The following C16orf96 variants were observed in gnomAD, a reference collection of about 807,000 sequenced individuals.
C16orf96 encodes the protein chromosome 16 open reading frame 96.
A neutral mutation model predicts 103.6 loss-of-function variants in C16orf96; 108 were observed. The ratio of observed to expected loss-of-function variants is 1.04; its 90% CI spans 0.89 to 1.22. The LOEUF (loss-of-function observed/expected upper bound fraction) is 1.22, where lower values mean the gene tolerates loss of function less well. C16orf96 is among the 50% of genes most tolerant of loss of function. The pLI is 0.00. For missense variants in C16orf96, 1,586 were observed against 1,464.2 expected (o/e 1.08, Z -1.36); for synonymous variants, 566 against 593.5 (o/e 0.95, Z 0.67).
chr16:4,555,298 AC>A (rs1382924295), upstream of C16orf96, among the ~76,000 whole-genome samples: 28 of 132,310 alleles, frequency 2.1e-4, no homozygotes, highest in African/African-American at 7.6e-4. Flanking sequence ...ACACACACAC[AC>A]ACACACACAC....
At chr16:4,558,727 C>T (rs2059294977) in intron 1 of C16orf96, among the ~76,000 whole-genome samples, 1 of 151,990 alleles carries the variant, frequency 6.6e-6, no homozygotes, top group Non-Finnish European at 1.5e-5. Context: ...CAATCCTGGC[C>T]AACATGGTGA....
intron 12 of C16orf96, among the ~76,000 whole-genome samples, 152 bp from the exon 13 acceptor site, chr16:4,594,199 C>A (rs923911337): frequency 1.3e-5 from 2 of 151,760 alleles, no homozygotes; most frequent in East Asian, 3.9e-4. Flanking sequence ...TGTATCCATC[C>A]GCCAGGCCCC....
the C16orf96 span, among the ~76,000 whole-genome samples, chr16:4,549,629 C>G: frequency 6.6e-5 from 10 of 151,972 alleles, no homozygotes; most frequent in Admixed American, 2.0e-4. Context: ...GAAACCCCAT[C>G]TCTACTACAA....
rs560581131 is a variant in C16orf96 at position 4,558,709 on chromosome 16, G to T, written c.420+1800G>T. ...GTGGGTGGATCACCTGAGGTGAGGA[G>T]TTCGAGACAATCCTGGCCAACATGG... On this transcript the variant is annotated intron_variant, in intron 1 of 15. Transcript: ENST00000444310. Among the ~76,000 whole-genome samples, 277 of 152,202 alleles carry T rather than the reference G, an allele frequency of 1.8e-3. 1 individual carries two copies. The highest frequency in any genetic ancestry group is 6.4e-3 in the African/African-American group (264 of 41,536).
At position 4,593,416 on chromosome 16, in the gene C16orf96, G is replaced by A; in HGVS notation, c.2867+100G>A. The A allele has an allele frequency of 8.4e-7, 1 of 1,185,810 alleles. No individual in the cohort carries two copies. The highest frequency in any genetic ancestry group is 1.2e-6 in the Non-Finnish European group (1 of 833,578). 73.5% of individuals were successfully genotyped at this position (1,185,810 alleles called of 1,614,324 possible). ...GCAGAGACACATCCTCCAGGCCCAG[G>A]GACCTAAGATTGTCCTGGACATGGC... On this transcript the variant is annotated intron_variant, in intron 12 of 15. Coordinates refer to ENST00000444310, the MANE Select transcript of C16orf96 (RefSeq NM_001145011.2). The surrounding 1 kb of genome is among the most constrained non-coding windows in gnomAD (Gnocchi z 4.2).
chr16:4,566,905 A>G (rs140907090), intron 1 of C16orf96, among the ~76,000 whole-genome samples: 160 of 152,120 alleles, frequency 1.1e-3, no homozygotes, highest in African/African-American at 3.7e-3. Flanking sequence ...TTCTTGGCCA[A>G]TCTAGCTAAA....
At chr16:4,588,475 C>T (rs1896980976) in intron 9 of C16orf96, 144 bp downstream of exon 9, 2 of 928,460 alleles carry the variant, frequency 2.2e-6, no homozygotes, top group Non-Finnish European at 3.2e-6. Flanking sequence ...TCAGGGTTTC[C>T]TGTGAAATTG....
At chr16:4,545,520 A>C in the C16orf96 span, among the ~76,000 whole-genome samples, 1 of 152,108 alleles carries the variant, frequency 6.6e-6, no homozygotes, top group Non-Finnish European at 1.5e-5. Context: ...AATTCTGTTA[A>C]ATTGATTTAG....
Position 4,575,663 on chromosome 16 carries a change from C to T in C16orf96, c.1183C>T (p.Leu395Phe), listed in dbSNP as rs577103751. The T allele has an allele frequency of 6.8e-5, 105 of 1,535,916 alleles. No homozygotes were observed. In the African/African-American group the frequency reaches 1.3e-3, roughly 19 times the overall value. Residue 395 changes from leucine to phenylalanine, a missense_variant, in exon 5 of 16, where the codon CTT (leucine) becomes TTT (phenylalanine). By Grantham distance (22) the Leu-to-Phe change is conservative (BLOSUM62 0). Coordinates refer to ENST00000444310, the MANE Select transcript of C16orf96 (RefSeq NM_001145011.2). The stretch of plus-strand genomic sequence containing the variant: ...GCCTGCACTCCCAAGACGCTGGCCT[C>T]TTCCCCAAGGCTGGCCCAGGGTGGG... ...DWPALPRRWP[L>F]PQGWPRVGSW...
intron 1 of C16orf96, among the ~76,000 whole-genome samples, chr16:4,570,976 C>T (rs746467847): frequency 2.2e-4 from 33 of 152,102 alleles, no homozygotes; most frequent in Non-Finnish European, 1.3e-4. Context: ...CGAGACCAGC[C>T]TGAGCAACGT....
chr16:4,600,566 C>T lies in C16orf96; in HGVS notation c.*249C>T, dbSNP rs939207844. On this transcript the variant is annotated 3_prime_UTR_variant, in exon 16 of 16. Coordinates refer to ENST00000444310, the MANE Select transcript of C16orf96 (RefSeq NM_001145011.2). ...TGCCCCCCCCACCCCCACCAAGTCC[C>T]GTCCCCGGCTGAGACCCAGGGCCCT... The T allele has an allele frequency of 1.3e-5, 6 of 470,310 alleles. No homozygotes were observed. The highest frequency in any genetic ancestry group is 5.9e-5 in the African/African-American group (3 of 50,702). 29.1% of individuals were successfully genotyped at this position (470,310 alleles called of 1,614,324 possible). A position where few individuals can be genotyped will look rare whatever the true frequency, so the allele number is the denominator to read the frequency against.
intron 9 of C16orf96, among the ~76,000 whole-genome samples, chr16:4,590,889 G>A (rs912577064): frequency 2.7e-4 from 41 of 151,024 alleles, no homozygotes; most frequent in African/African-American, 5.8e-4. Context: ...AAAATTAGTC[G>A]GGTTTGGGGG....
At chr16:4,550,801 G>A in the C16orf96 span, among the ~76,000 whole-genome samples, 1 of 152,248 alleles carries the variant, frequency 6.6e-6, no homozygotes, top group Non-Finnish European at 1.5e-5. Context: ...ACACACTGAG[G>A]TGAGAGAAGA....
intron 7 of C16orf96, among the ~76,000 whole-genome samples, chr16:4,584,591 A>G (rs150733484): frequency 1.3e-3 from 197 of 148,724 alleles, no homozygotes; most frequent in African/African-American, 4.8e-3. Context: ...CTGGAGTGCA[A>G]TGGCGCAATC....
chr16:4,575,834 G>A lies in C16orf96; in HGVS notation c.1354G>A (p.Ala452Thr), dbSNP rs573127060. The stretch of plus-strand genomic sequence containing the variant: ...TCGCCAGGGAGAAGCCCTCCAGCTC[G>A]CAGCTGTCCAAGTAAAGGGGGAGGA... ...QSRQGEALQL[A>T]AVQVKGEEND... is the part of the protein sequence containing the mutation. The change falls in exon 5 of 16, where the codon GCA becomes ACA. Residue 452 changes from alanine (A) to threonine (T), a missense_variant. Ala to Thr is a moderately conservative substitution (Grantham distance 58). Transcript: ENST00000444310. The A allele has an allele frequency of 2.8e-5, 44 of 1,551,232 alleles. No individual in the cohort carries two copies. In the African/African-American group the frequency reaches 3.4e-4, roughly 12 times the overall value.
At chr16:4,594,062 C>A (rs1012191558) in intron 12 of C16orf96, among the ~76,000 whole-genome samples, 1 of 152,172 alleles carries the variant, frequency 6.6e-6, no homozygotes, top group Non-Finnish European at 1.5e-5. Flanking sequence ...TGCCACCCTC[C>A]CTCCCTGGCT....
chr16:4,571,959 C>G (rs1052941248), intron 2 of C16orf96, among the ~76,000 whole-genome samples: 1 of 151,878 alleles, frequency 6.6e-6, no homozygotes. Flanking sequence ...AAGTGATTCT[C>G]CTGCCTGAGC....
chr16:4,588,238 C>T lies in C16orf96; in HGVS notation c.2499C>T (p.Asn833=), dbSNP rs750058122. 5.0e-5 allele frequency: 77 copies of T among 1,551,488 alleles called. No individual in the cohort carries two copies. Among genetic ancestry groups the T allele is most frequent in the South Asian group, 7.1e-5 (6 of 84,060 alleles). Residue 833 remains asparagine, a synonymous_variant, in exon 9 of 16, where the codon AAC becomes AAT. Coordinates refer to ENST00000444310, the MANE Select transcript of C16orf96 (RefSeq NM_001145011.2). ...TGGAGACTGTGGCCTTGGAGCTGAACGAGATGATTCAGGGCATACTCTTCA... is the reference window on the plus strand; with the variant it reads ...TGGAGACTGTGGCCTTGGAGCTGAATGAGATGATTCAGGGCATACTCTTCA... The part of the protein sequence containing the change: ...VDLETVALEL[N]EMIQGILFKV...
intron 5 of C16orf96, among the ~76,000 whole-genome samples, chr16:4,576,932 C>T (rs879308052): frequency 7.2e-5 from 11 of 152,316 alleles, no homozygotes; most frequent in Admixed American, 6.5e-4. Context: ...TGGCTCCCAC[C>T]TGTAATCCCA....
Sources: allele counts gnomAD v4.1 joint callset (sites outside exome capture counted in the v4.1 genomes callset), GRCh38; gene constraint gnomAD v4.1.1; non-coding constraint Gnocchi (gnomAD v3.1); transcripts MANE v1.5; gene names NCBI Gene and HGNC (gene_info 2026-07-23, HGNC 2026-07-21).